Variants in TAS1R2 observed in about 807,000 individuals in gnomAD.
TAS1R2 encodes taste receptor type 1 member 2.
In TAS1R2, 47 loss-of-function variants were observed where a neutral mutation model predicts 49.3. The observed-to-expected ratio is 0.95, with a 90% CI of 0.75 to 1.22. TAS1R2 has a LOEUF of 1.22. TAS1R2 is among the 50% of genes most tolerant of loss of function. TAS1R2 has a pLI of 0.00. For synonymous variants in TAS1R2, 479 were observed against 467.9 expected (o/e 1.02, Z -0.31); for missense variants, 1,155 against 1,122.1 (o/e 1.03, Z -0.42).
At chr1:18,855,070 C>T (rs1428278372) in intron 2 of TAS1R2, 84 bp from the exon 3 acceptor site, 1 of 1,525,412 alleles carries the variant, frequency 6.6e-7, no homozygotes, top group Non-Finnish European at 8.8e-7. Flanking sequence ...CCATCATCAT[C>T]TGGGAAGCAC....
At position 18,854,089 on chromosome 1, in the gene TAS1R2, G is replaced by A; in HGVS notation, c.1257+124C>T. 1.1e-6 allele frequency: 1 copy of A among 949,840 alleles called. No individual in the cohort carries two copies. The highest frequency in any genetic ancestry group is 1.8e-5 in the South Asian group (1 of 55,786). The allele number at this position is 949,840 out of a possible 1,614,324, so 58.8% of individuals were successfully genotyped here. On this transcript the variant is annotated intron_variant, in intron 3 of 5. Coordinates refer to ENST00000375371, the Ensembl canonical transcript of TAS1R2. This position sits in a 1 kb window ranked among gnomAD's most constrained non-coding sequence, Gnocchi z 4.9. ...AAAAAGCAATTTTGTTTTGGCACCAGGAAGGACTAGTGCTATGTGTCTGGA... is the reference window on the plus strand; with the variant it reads ...AAAAAGCAATTTTGTTTTGGCACCAAGAAGGACTAGTGCTATGTGTCTGGA...
chr1:18,855,024 G>T (rs369525931), intron 2 of TAS1R2, 38 bp from the exon 3 acceptor site: 5 of 1,579,668 alleles, frequency 3.2e-6, no homozygotes, highest in Non-Finnish European at 3.5e-6. Context: ...CGAGTGCCCC[G>T]CTGGGTGCTC....
chr1:18,847,169 C>T (rs1052022467), intron 4 of TAS1R2, among the ~76,000 whole-genome samples: 1 of 152,156 alleles, frequency 6.6e-6, no homozygotes, highest in Non-Finnish European at 1.5e-5. Context: ...TTCTTTGTAA[C>T]AATTCAAGAG....
rs1481167424 is a variant in TAS1R2, at chr1:18,857,299, C to T, written c.483+32G>A. 5 of 1,600,360 alleles carry T rather than the reference C, an allele frequency of 3.1e-6. No individual in the cohort carries two copies. In the South Asian group the frequency reaches 4.5e-5, roughly 14 times the overall value. Reference sequence around the variant, plus strand: ...GACAGCCATTCCTCTGCCCCCCTCCCCAGGTCCTTCTCCAGGGCCCAGGGG... The same window carrying T: ...GACAGCCATTCCTCTGCCCCCCTCCTCAGGTCCTTCTCCAGGGCCCAGGGG... On this transcript the variant is annotated intron_variant, in intron 2 of 5. Coordinates refer to ENST00000375371, the Ensembl canonical transcript of TAS1R2.
chr1:18,843,640 G>T (rs139406626), intron 4 of TAS1R2, among the ~76,000 whole-genome samples: 88 of 152,326 alleles, frequency 5.8e-4, no homozygotes, highest in African/African-American at 2.1e-3. Context: ...CCACATGATC[G>T]AGGAGATCTG....
chr1:18,843,375 G>A (rs1933861164), intron 4 of TAS1R2, among the ~76,000 whole-genome samples: 1 of 152,134 alleles, frequency 6.6e-6, no homozygotes. Context: ...GGAGGCCAAA[G>A]GTACAGAGAA....
At chr1:18,847,435 C>T (rs1234567609) in intron 4 of TAS1R2, among the ~76,000 whole-genome samples, 1 of 152,180 alleles carries the variant, frequency 6.6e-6, no homozygotes, top group African/African-American at 2.4e-5. Flanking sequence ...AGACACCACC[C>T]TAATTTACTC....
rs750604579 is a variant in TAS1R2 at position 18,854,543 on chromosome 1, G to T, written c.927C>A (p.Val309=). Residue 309 remains valine, a synonymous_variant, in exon 3 of 6, where the codon GTC becomes GTA. Coordinates refer to ENST00000375371, the Ensembl canonical transcript of TAS1R2. The surrounding 1 kb of genome is among the most constrained non-coding windows in gnomAD (Gnocchi z 4.9). Reference sequence around the variant, plus strand: ...GGCGCAGCTCCGTGAGGTTGTGCAGGACCGGGTCGATGGCCCAGGACTCGG... The same window carrying T: ...GGCGCAGCTCCGTGAGGTTGTGCAGTACCGGGTCGATGGCCCAGGACTCGG... 1 of 1,613,848 alleles carries T rather than the reference G, an allele frequency of 6.2e-7. No homozygotes were observed. The highest frequency in any genetic ancestry group is 1.1e-5 in the South Asian group (1 of 91,082).
chr1:18,859,451 C>T (rs1242401008), intron 1 of TAS1R2, 28 bp downstream of exon 1: 5 of 1,612,666 alleles, frequency 3.1e-6, no homozygotes, highest in Non-Finnish European at 4.2e-6. Context: ...TCCCCACTGC[C>T]ACTTCCAGCC....
chr1:18,849,684 C>T (rs931372355), intron 3 of TAS1R2, 134 bp from the exon 4 acceptor site: 70 of 1,021,598 alleles, frequency 6.9e-5, no homozygotes, highest in African/African-American at 4.6e-4. Flanking sequence ...AATAAATCTC[C>T]GAAAGGGTGG....
In TAS1R2 at chr1:18,840,459, G is replaced by T. The variant is rs554678930; in HGVS notation, c.1660C>A (p.Arg554=). The T allele has an allele frequency of 4.3e-6, 7 of 1,614,164 alleles. No individual in the cohort carries two copies. The East Asian group carries it at 1.1e-4, about 26-fold the overall frequency. Residue 554 remains arginine, a synonymous_variant, in exon 6 of 6, where the codon CGG becomes AGG. Coordinates refer to ENST00000375371, the Ensembl canonical transcript of TAS1R2. ...TGCCATTCCAGGAAGACCAGCTGCC[G>T]CTTGAAGCAGGAGGTCTCACTCTGG...
At chr1:18,853,330 A>G (rs4920566) in intron 3 of TAS1R2, among the ~76,000 whole-genome samples, 76,328 of 152,078 alleles carry the variant, frequency 0.5, 20,791 homozygotes, top group African/African-American at 0.73. Flanking sequence ...ACAGCAATAC[A>G]CAGTATTTTT....
intron 3 of TAS1R2, among the ~76,000 whole-genome samples, chr1:18,850,962 T>C (rs1465667196): frequency 6.6e-6 from 1 of 152,216 alleles, no homozygotes; most frequent in African/African-American, 2.4e-5. Context: ...GTAATTTGCA[T>C]CATGATTGCA....
intron 4 of TAS1R2, among the ~76,000 whole-genome samples, chr1:18,847,499 T>TG (rs1277591123): frequency 6.6e-6 from 1 of 152,134 alleles, no homozygotes; most frequent in African/African-American, 2.4e-5. Flanking sequence ...CCTCTGCAAC[T>TG]GGGGATAGAG....
chr1:18,858,141 A>G (rs113702712), intron 1 of TAS1R2: 31,966 of 159,158 alleles, frequency 0.2, 3,463 homozygotes, highest in Middle Eastern at 0.25. Flanking sequence ...CACCACCAAC[A>G]TCATCATCAC....
intron 3 of TAS1R2, among the ~76,000 whole-genome samples, chr1:18,851,033 C>T (rs1934011444): frequency 6.6e-6 from 1 of 152,210 alleles, no homozygotes; most frequent in African/African-American, 2.4e-5. Flanking sequence ...ATGAGAAAAT[C>T]AAGGCTCAGA....
At chr1:18,844,089 T>A (rs1933874817) in intron 4 of TAS1R2, among the ~76,000 whole-genome samples, 2 of 152,228 alleles carry the variant, frequency 1.3e-5, no homozygotes, top group Admixed American at 1.3e-4. Context: ...GAGCTGACAG[T>A]GGACTGCTGC....
chr1:18,858,054 G>A (rs958814375), intron 1 of TAS1R2, among the ~76,000 whole-genome samples: 7 of 146,404 alleles, frequency 4.8e-5, no homozygotes, highest in Non-Finnish European at 7.5e-5. Flanking sequence ...CATCATCACC[G>A]TCACCACCAT....
At chr1:18,851,275 C>T (rs1348141616) in intron 3 of TAS1R2, among the ~76,000 whole-genome samples, 1 of 152,116 alleles carries the variant, frequency 6.6e-6, no homozygotes, top group African/African-American at 2.4e-5. Flanking sequence ...GGACCAGAAC[C>T]TGAGAAGAGC....
Sources: allele counts gnomAD v4.1 joint callset (sites outside exome capture counted in the v4.1 genomes callset), GRCh38; gene constraint gnomAD v4.1.1; non-coding constraint Gnocchi (gnomAD v3.1); transcripts MANE v1.5; gene names NCBI Gene and HGNC (gene_info 2026-07-23, HGNC 2026-07-21).